The following TTC6 variants were observed in gnomAD, a reference collection of about 807,000 sequenced individuals.
TTC6 encodes the protein tetratricopeptide repeat protein 6.
TTC6 carries 172 observed loss-of-function variants against 210.4 expected under a neutral mutation model. The ratio of observed to expected loss-of-function variants is 0.82; its 90% CI spans 0.72 to 0.93. TTC6 has a LOEUF of 0.93. TTC6 is among the 40% of genes least tolerant of loss of function. The pLI is 0.00. For synonymous variants in TTC6, 804 were observed against 819.6 expected (o/e 0.98, Z 0.32); for missense variants, 2,414 against 2,318.1 (o/e 1.04, Z -0.85).
chr14:37,834,558 C>T (rs1224808905), intron 29 of TTC6, among the ~76,000 whole-genome samples: 5 of 151,888 alleles, frequency 3.3e-5, no homozygotes, highest in Non-Finnish European at 5.9e-5. Flanking sequence ...TATCTTTGTT[C>T]GATTTCTCAT....
At position 37,606,216 on chromosome 14, in the gene TTC6, G is replaced by A. The variant is rs117444571; in HGVS notation, c.-234-447G>A. ...GTGTCTCAATGTGTTCATTTCTGTG[G>A]ATCAATGGCAGTACAGGCAACTTTT... On this transcript the variant is annotated intron_variant, in intron 1 of 2. Transcript: ENST00000556845. Among the ~76,000 whole-genome samples, 1,335 of 152,216 alleles carry A rather than the reference G, an allele frequency of 8.8e-3. 9 individuals are homozygous for A. Among genetic ancestry groups the A allele is most frequent in the Non-Finnish European group, 0.014 (972 of 68,022 alleles).
At chr14:37,616,006 T>G (rs2095642078) in intron 2 of TTC6, among the ~76,000 whole-genome samples, 1 of 152,250 alleles carries the variant, frequency 6.6e-6, no homozygotes. Flanking sequence ...TGTCATATCC[T>G]TTCTGAAGAA....
At chr14:37,693,499 CAGAAAT>C (rs1393712715) in intron 3 of TTC6, among the ~76,000 whole-genome samples, 1 of 151,778 alleles carries the variant, frequency 6.6e-6, no homozygotes, top group Non-Finnish European at 1.5e-5. Context: ...ACATTCTTCA[CAGAAAT>C]AGAAAAAACA....
At chr14:37,633,212 G>T (rs1421790272) in intron 1 of TTC6, among the ~76,000 whole-genome samples, 2 of 152,182 alleles carry the variant, frequency 1.3e-5, no homozygotes, top group Non-Finnish European at 2.9e-5. Flanking sequence ...CTGCCCAAAT[G>T]GCCACCCGGT....
intron 1 of TTC6, among the ~76,000 whole-genome samples, chr14:37,603,621 A>G (rs1272200536): frequency 6.6e-6 from 1 of 152,228 alleles, no homozygotes; most frequent in African/African-American, 2.4e-5. Context: ...CAGCAGCAGC[A>G]GAAGAGACAG....
intron 20 of TTC6, among the ~76,000 whole-genome samples, chr14:37,798,844 T>G (rs530800310): frequency 1.7e-4 from 26 of 152,292 alleles, no homozygotes; most frequent in African/African-American, 5.8e-4. Context: ...CTTTAATATG[T>G]TAATGTAGCA....
intron 1 of TTC6, among the ~76,000 whole-genome samples, chr14:37,605,378 C>T (rs948572581): frequency 2.0e-5 from 3 of 152,084 alleles, no homozygotes; most frequent in South Asian, 2.1e-4. Context: ...AATCAGGATC[C>T]GGGTGGATAA....
At chr14:37,663,119 TG>T (rs546788083) in intron 1 of TTC6, among the ~76,000 whole-genome samples, 80 of 152,334 alleles carry the variant, frequency 5.3e-4, no homozygotes, top group African/African-American at 1.7e-3. Context: ...CCTGGTTAGC[TG>T]TATTCCTGTA....
chr14:37,611,897 G>C (rs532385397), intron 2 of TTC6, among the ~76,000 whole-genome samples: 1 of 152,156 alleles, frequency 6.6e-6, no homozygotes, highest in Non-Finnish European at 1.5e-5. Flanking sequence ...GTGAGACACT[G>C]TGGGCTTAAT....
intron 1 of TTC6, among the ~76,000 whole-genome samples, chr14:37,662,658 A>G (rs1319231440): frequency 6.6e-6 from 1 of 152,160 alleles, no homozygotes. Flanking sequence ...CATTTATTGA[A>G]TAGGGAGTCC....
At chr14:37,799,374 G>A (rs191509728) in intron 20 of TTC6, among the ~76,000 whole-genome samples, 10 of 152,172 alleles carry the variant, frequency 6.6e-5, no homozygotes, top group South Asian at 4.1e-4. Context: ...TTGGAAAATT[G>A]TTTATAGTCC....
At chr14:37,629,204 C>T (rs1169370144) in intron 1 of TTC6, among the ~76,000 whole-genome samples, 2 of 152,096 alleles carry the variant, frequency 1.3e-5, no homozygotes, top group East Asian at 1.9e-4. Flanking sequence ...GGCAGTATGG[C>T]CATTTTCACG....
chr14:37,659,094 A>G (rs555170453), intron 1 of TTC6, among the ~76,000 whole-genome samples: 2 of 152,204 alleles, frequency 1.3e-5, no homozygotes, highest in South Asian at 4.2e-4. Context: ...CCATGCTCCC[A>G]CAAAAGACAT....
intron 10 of TTC6, among the ~76,000 whole-genome samples, chr14:37,748,250 T>C (rs1458904808): frequency 2.0e-5 from 3 of 152,206 alleles, no homozygotes; most frequent in African/African-American, 7.2e-5. Flanking sequence ...CTCCTAGTGT[T>C]CAGCACTAGG....
At chr14:37,743,295 T>C (rs529710824) in intron 10 of TTC6, among the ~76,000 whole-genome samples, 8 of 145,690 alleles carry the variant, frequency 5.5e-5, no homozygotes, top group African/African-American at 2.0e-4. Flanking sequence ...TTTGTATTAC[T>C]TACTTTCAGT....
chr14:37,714,555 G>A, intron 5 of TTC6, 100 bp from the exon 8 acceptor site: 2 of 898,792 alleles, frequency 2.2e-6, no homozygotes, highest in Non-Finnish European at 3.2e-6. Flanking sequence ...GATGTCAAAT[G>A]TCCATGTGTT....
At position 37,737,732 on chromosome 14, in the gene TTC6, AG is replaced by A; in HGVS notation, c.1983+1del. The stretch of plus-strand genomic sequence containing the variant: ...GTTTAGTGCACAACCTACACAACTA[AG>A]GGTATTATAATTTTACAGTTTTTAC... On this transcript the variant is annotated frameshift_variant and splice_region_variant, in exon 9 of 31. Coordinates refer to ENST00000553443, the Ensembl canonical transcript of TTC6. LOFTEE classifies it high-confidence loss of function. 1.3e-6 allele frequency: 2 copies of A among 1,486,592 alleles called. No individual in the cohort carries two copies. The highest frequency in any genetic ancestry group is 1.8e-6 in the Non-Finnish European group (2 of 1,114,010). 92.1% of individuals were successfully genotyped at this position (1,486,592 alleles called of 1,614,324 possible).
chr14:37,725,076 G>A, intron 7 of TTC6, 74 bp downstream of exon 9: 1 of 861,574 alleles, frequency 1.2e-6, no homozygotes, highest in Non-Finnish European at 1.7e-6. Context: ...AATTGGCTAT[G>A]ACATTCAATT....
chr14:37,717,947 C>A (rs1442099497), intron 6 of TTC6, among the ~76,000 whole-genome samples: 1 of 152,176 alleles, frequency 6.6e-6, no homozygotes, highest in African/African-American at 2.4e-5. Flanking sequence ...AAGTTCAGCT[C>A]TCTTTTTCCG....
Sources: allele counts gnomAD v4.1 joint callset (sites outside exome capture counted in the v4.1 genomes callset), GRCh38; gene constraint gnomAD v4.1.1; transcripts MANE v1.5; gene names NCBI Gene and HGNC (gene_info 2026-07-23, HGNC 2026-07-21).